The following CDH13 variants were observed in gnomAD, a reference collection of about 807,000 sequenced individuals.
CDH13 encodes the protein cadherin 13.
In CDH13, 24 loss-of-function variants were observed where a neutral mutation model predicts 63.8. That is an observed-to-expected ratio of 0.38 (90% CI 0.27 to 0.53). CDH13 has a LOEUF of 0.53. Ranked by LOEUF, CDH13 falls within the 20% of genes least tolerant of loss-of-function variation. The pLI is 0.85. For missense variants in CDH13, 1,049 were observed against 903.1 expected (o/e 1.16, Z -2.07); for synonymous variants, 503 against 355.3 (o/e 1.42, Z -4.67).
intron 1 of CDH13, chr16:82,704,973 T>G (rs1007057897): frequency 8.5e-6 from 3 of 353,856 alleles, no homozygotes; most frequent in African/African-American, 6.4e-5. Context: ...GGAGACAATG[T>G]CTCTTGCTGC....
At chr16:83,144,606 A>C (rs1262186693) in intron 4 of CDH13, among the ~76,000 whole-genome samples, 1 of 152,226 alleles carries the variant, frequency 6.6e-6, no homozygotes, top group African/African-American at 2.4e-5. Context: ...AGGTGTGATG[A>C]TTATACTATG....
intron 10 of CDH13, among the ~76,000 whole-genome samples, chr16:83,731,725 G>A (rs1172914226): frequency 6.6e-6 from 1 of 152,124 alleles, no homozygotes; most frequent in African/African-American, 2.4e-5. Flanking sequence ...CTATTTCCTA[G>A]GTTTTTTCCA....
At chr16:83,115,675 G>A (rs2035259745) in intron 3 of CDH13, among the ~76,000 whole-genome samples, 1 of 152,218 alleles carries the variant, frequency 6.6e-6, no homozygotes, top group Admixed American at 6.5e-5. Context: ...TTAATTCCCT[G>A]CCTGCCTGGA....
At chr16:82,926,881 G>C (rs565297279) in intron 2 of CDH13, among the ~76,000 whole-genome samples, 1 of 152,152 alleles carries the variant, frequency 6.6e-6, no homozygotes, top group Non-Finnish European at 1.5e-5. Flanking sequence ...GGTTATAATT[G>C]TATAAGAAAC....
intron 6 of CDH13, among the ~76,000 whole-genome samples, chr16:83,440,785 A>G (rs1598026064): frequency 9.7e-4 from 1 of 1,026 alleles, no homozygotes; most frequent in African/African-American, 5.1e-3. Context: ...ACTTCATCTC[A>G]AAAAAAAAAA....
chr16:82,643,983 C>T (rs1378487687), intron 1 of CDH13, among the ~76,000 whole-genome samples: 2 of 151,966 alleles, frequency 1.3e-5, no homozygotes, highest in South Asian at 2.1e-4. Flanking sequence ...CTCCTGGCTT[C>T]AAGTGATCCT....
intron 7 of CDH13, among the ~76,000 whole-genome samples, chr16:83,560,509 G>A (rs1432610607): frequency 6.6e-6 from 1 of 152,154 alleles, no homozygotes; most frequent in Admixed American, 6.5e-5. Flanking sequence ...ATGGTTGCAG[G>A]GGCTTGGGGG....
intron 5 of CDH13, among the ~76,000 whole-genome samples, chr16:83,266,168 C>G (rs1907598191): frequency 6.6e-6 from 1 of 152,066 alleles, no homozygotes; most frequent in South Asian, 2.1e-4. Context: ...AAACTCCTGA[C>G]CTCAAGTGAT....
intron 4 of CDH13, among the ~76,000 whole-genome samples, chr16:83,184,089 A>AACAG: frequency 7.6e-6 from 1 of 131,616 alleles, no homozygotes; most frequent in South Asian, 2.8e-4. Flanking sequence ...CTAGAGGTTA[A>AACAG]ACACACACAC....
At chr16:83,652,720 C>G (rs1207935832) in intron 8 of CDH13, among the ~76,000 whole-genome samples, 1 of 152,156 alleles carries the variant, frequency 6.6e-6, no homozygotes, top group African/African-American at 2.4e-5. Context: ...CCAAGGGCTA[C>G]ATATGGGTTA....
chr16:83,387,585 A>G (rs1183103170), intron 6 of CDH13, among the ~76,000 whole-genome samples: 1 of 152,226 alleles, frequency 6.6e-6, no homozygotes, highest in Non-Finnish European at 1.5e-5. Flanking sequence ...AGCTGAAAAA[A>G]TGTAAATGGG....
intron 1 of CDH13, among the ~76,000 whole-genome samples, chr16:82,842,169 C>G (rs948460872): frequency 4.7e-4 from 50 of 107,216 alleles, no homozygotes; most frequent in African/African-American, 1.5e-3. Context: ...TATATACACA[C>G]ACACACATAT....
chr16:83,625,636 C>A (rs146403420), intron 8 of CDH13, among the ~76,000 whole-genome samples: 215 of 152,292 alleles, frequency 1.4e-3, no homozygotes, highest in African/African-American at 4.9e-3. Flanking sequence ...CCTCTTTTGG[C>A]TTCGAAAAAG....
At chr16:83,196,116 C>T (rs1032677330) in intron 4 of CDH13, among the ~76,000 whole-genome samples, 6 of 152,064 alleles carry the variant, frequency 3.9e-5, no homozygotes, top group Admixed American at 2.6e-4. Flanking sequence ...ATTAGCCAGG[C>T]TTGGTGGTGG....
rs139451683 is a variant in CDH13, at chr16:82,638,823, T to TGTGTGTGTGTGTGTGTGTGTGTGTGCGC, written c.45+11687_45+11688insTGTGTGTGTGTGTGTGTGTGTGTGCGCG. On this transcript the variant is annotated intron_variant, in intron 1 of 13. Coordinates refer to ENST00000567109, the MANE Select transcript of CDH13 (RefSeq NM_001257.5). ...TGGGAGGCTTTATTAGGGCAGTGTG[T>TGTGTGTGTGTGTGTGTGTGTGTGTGCGC]GCGTGTGTGCGTTTGTGTGCATGCA... Among the ~76,000 whole-genome samples the TGTGTGTGTGTGTGTGTGTGTGTGTGCGC allele has an allele frequency of 6.9e-4, 104 of 150,904 alleles. 1 individual carries two copies. Among genetic ancestry groups the TGTGTGTGTGTGTGTGTGTGTGTGTGCGC allele is most frequent in the African/African-American group, 2.5e-3 (101 of 41,052 alleles).
chr16:83,257,474 C>A (rs1378553040), intron 5 of CDH13, among the ~76,000 whole-genome samples: 2 of 152,068 alleles, frequency 1.3e-5, no homozygotes, highest in African/African-American at 4.8e-5. Flanking sequence ...ATCTTCGTTC[C>A]CTGATGGTAG....
chr16:83,647,201 T>C (rs533472709), intron 8 of CDH13, among the ~76,000 whole-genome samples: 1 of 151,122 alleles, frequency 6.6e-6, no homozygotes, highest in African/African-American at 2.4e-5. Context: ...TCCCAGCTAC[T>C]CGGGAGGCTG....
At chr16:82,775,068 G>A (rs909857267) in intron 1 of CDH13, among the ~76,000 whole-genome samples, 4 of 152,200 alleles carry the variant, frequency 2.6e-5, no homozygotes, top group Non-Finnish European at 5.9e-5. Flanking sequence ...GTAGAATAGG[G>A]TATGGTGAAC....
intron 7 of CDH13, among the ~76,000 whole-genome samples, chr16:83,580,647 A>C (rs1039228531): frequency 1.3e-5 from 2 of 151,972 alleles, no homozygotes; most frequent in Non-Finnish European, 2.9e-5. Flanking sequence ...GGCATGCGCT[A>C]CCATGCCCTG....
Sources: gnomAD v4.1 joint callset for allele counts (sites outside exome capture counted in the v4.1 genomes callset) on GRCh38, gnomAD v4.1.1 for gene constraint, MANE v1.5 for transcripts, NCBI Gene and HGNC (gene_info 2026-07-23, HGNC 2026-07-21) for gene names.